The following C2orf42 variants were observed in gnomAD, a reference collection of about 807,000 sequenced individuals.
C2orf42 encodes the protein chromosome 2 open reading frame 42.
A neutral mutation model predicts 58.9 loss-of-function variants in C2orf42; 44 were observed. The ratio of observed to expected loss-of-function variants is 0.75; its 90% CI spans 0.59 to 0.96. C2orf42 has a LOEUF of 0.96. Among genes scored for constraint, C2orf42 ranks in the 40% least tolerant of loss-of-function variants. The pLI is 0.00. For synonymous variants in C2orf42, 239 were observed against 265.4 expected (o/e 0.90, Z 0.97); for missense variants, 630 against 699.2 (o/e 0.90, Z 1.12).
At chr2:70,164,490 G>C (rs1045485146) in intron 8 of C2orf42, among the ~76,000 whole-genome samples, 1 of 151,936 alleles carries the variant, frequency 6.6e-6, no homozygotes, top group Non-Finnish European at 1.5e-5. Context: ...AAATTAGCCG[G>C]GTATGGTGGC....
chr2:70,185,594 C>G (rs553578173), intron 1 of C2orf42, among the ~76,000 whole-genome samples: 2 of 151,704 alleles, frequency 1.3e-5, no homozygotes, highest in East Asian at 1.9e-4. Context: ...GTCTATAACC[C>G]CAGCTACTCA....
In C2orf42 at chr2:70,170,615, C is replaced by T. The variant is rs554028163; in HGVS notation, c.1040-954G>A. On this transcript the variant is annotated intron_variant, in intron 5 of 9. Coordinates refer to ENST00000264434, the MANE Select transcript of C2orf42 (RefSeq NM_017880.3). The stretch of plus-strand genomic sequence containing the variant: ...ACTAAAAATACAAAAATTAGCTGGG[C>T]GTGGTGGCATGCACCTTAATCACAG... 4.6e-5 allele frequency among the ~76,000 whole-genome samples: 7 copies of T among 151,314 alleles called. No individual in the cohort carries two copies. The East Asian group carries it at 7.9e-4, about 17-fold the overall frequency.
In C2orf42 at chr2:70,167,703, T is replaced by G. The variant is rs972200861; in HGVS notation, c.1144+1854A>C. Among the ~76,000 whole-genome samples the G allele has an allele frequency of 5.3e-5, 8 of 152,156 alleles. No individual in the cohort carries two copies. In the South Asian group the frequency reaches 8.3e-4, roughly 16 times the overall value. On this transcript the variant is annotated intron_variant, in intron 6 of 9. Transcript: ENST00000264434. ...TTGCAGTGAACTGAGATTGTACCAC[T>G]GCACTCCAGCCTGTGTGACAGAGCA...
At chr2:70,154,255 A>G (rs902029507) in intron 9 of C2orf42, among the ~76,000 whole-genome samples, 2 of 151,586 alleles carry the variant, frequency 1.3e-5, no homozygotes, top group Non-Finnish European at 2.9e-5. Flanking sequence ...AGAATCACAA[A>G]GAATAGAATT....
rs1672217740 is a variant in C2orf42, at chr2:70,150,182, A to G, written c.*174T>C. ...TGTACACAGCAGCATCAAAAAGGCT[A>G]TTTACAAGAGATTTTCTTCAACAGA... is the stretch of plus-strand genomic sequence containing the variant. On this transcript the variant is annotated 3_prime_UTR_variant, in exon 10 of 10. Coordinates refer to ENST00000264434, the MANE Select transcript of C2orf42 (RefSeq NM_017880.3). 1.6e-6 allele frequency: 1 copy of G among 619,264 alleles called. No homozygotes were observed. The highest frequency in any genetic ancestry group is 1.8e-5 in the African/African-American group (1 of 54,424). The allele number at this position is 619,264 out of a possible 1,614,324, so 38.4% of individuals were successfully genotyped here.
At chr2:70,186,932 A>G (rs1290224358) in intron 1 of C2orf42, among the ~76,000 whole-genome samples, 3 of 150,142 alleles carry the variant, frequency 2.0e-5, no homozygotes, top group African/African-American at 7.4e-5. Context: ...GAAGGGGAAC[A>G]TCACACTCTG....
At chr2:70,156,065 C>T (rs889062371) in intron 9 of C2orf42, among the ~76,000 whole-genome samples, 7 of 149,696 alleles carry the variant, frequency 4.7e-5, no homozygotes, top group African/African-American at 1.7e-4. Flanking sequence ...TGAGGCAGAA[C>T]AATCTCTTGA....
intron 6 of C2orf42, 61 bp downstream of exon 6, chr2:70,169,495 AG>A: frequency 1.2e-6 from 1 of 836,738 alleles, no homozygotes; most frequent in Non-Finnish European, 2.0e-6. Context: ...GGAGAATTAC[AG>A]CACAATTACC....
At chr2:70,161,013 C>A (rs574046354) in intron 8 of C2orf42, among the ~76,000 whole-genome samples, 8 of 152,240 alleles carry the variant, frequency 5.3e-5, no homozygotes, top group Admixed American at 1.3e-4. Flanking sequence ...ATTTCCACCC[C>A]AGCCAAACTA....
chr2:70,189,406 C>CAAAAAAAAAAAAAAAAAAAAAAA (rs1182514916), intron 1 of C2orf42, among the ~76,000 whole-genome samples: 1 of 27,126 alleles, frequency 3.7e-5, no homozygotes, highest in Non-Finnish European at 7.8e-5. Flanking sequence ...AACTCCATCT[C>CAAAAAAAAAAAAAAAAAAAAAAA]AAAAAAAAAA....
chr2:70,158,882 G>A (rs1169810579), intron 9 of C2orf42, among the ~76,000 whole-genome samples: 1 of 149,644 alleles, frequency 6.7e-6, no homozygotes, highest in African/African-American at 2.5e-5. Context: ...ATGAGCCACC[G>A]CGCTCGGCCG....
At chr2:70,168,042 G>C (rs1673523420) in intron 6 of C2orf42, among the ~76,000 whole-genome samples, 1 of 151,930 alleles carries the variant, frequency 6.6e-6, no homozygotes, top group Non-Finnish European at 1.5e-5. Flanking sequence ...AGACCAGCCT[G>C]GTTAACATGG....
intron 1 of C2orf42, chr2:70,190,492 G>A (rs1369609705): frequency 2.0e-5 from 3 of 152,334 alleles, no homozygotes; most frequent in Middle Eastern, 3.4e-3. Flanking sequence ...TAGAGATGAG[G>A]AAACTGTTAC....
chr2:70,169,423 A>T, intron 6 of C2orf42, 134 bp downstream of exon 6: 1 of 459,224 alleles, frequency 2.2e-6, no homozygotes, highest in Non-Finnish European at 3.9e-6. Flanking sequence ...TTTCAATTAG[A>T]TTTCTACTTT....
At chr2:70,155,934 T>C (rs1214607595) in intron 9 of C2orf42, among the ~76,000 whole-genome samples, 1 of 152,092 alleles carries the variant, frequency 6.6e-6, no homozygotes, top group Non-Finnish European at 1.5e-5. Flanking sequence ...GGCGGGCAGA[T>C]CACCTGAGGT....
intron 6 of C2orf42, among the ~76,000 whole-genome samples, chr2:70,167,793 A>G (rs1397096219): frequency 6.6e-6 from 1 of 152,112 alleles, no homozygotes; most frequent in African/African-American, 2.4e-5. Flanking sequence ...CTCATAGTCA[A>G]GGAGCGAGCT....
intron 1 of C2orf42, among the ~76,000 whole-genome samples, chr2:70,189,272 G>A (rs1675160811): frequency 1.3e-5 from 2 of 151,638 alleles, no homozygotes; most frequent in South Asian, 4.2e-4. Context: ...CGGGCGTGGT[G>A]ACGTATGCCT....
rs1254118663 is a variant in C2orf42, at chr2:70,150,395, G to A, written c.1686C>T (p.Pro562=). 3 of 1,614,094 alleles carry A rather than the reference G, an allele frequency of 1.9e-6. No homozygotes were observed. The highest frequency in any genetic ancestry group is 2.7e-5 in the African/African-American group (2 of 75,050). ...TAGTGGTCAGAGGGGCCAGTTCCAA[G>A]GGCTGGTCCAAGGGGGGCCGCTGGT... ...YQDQRPPLDQ[P]LELAPLTTIT... The change falls in exon 10 of 10, where the codon CCC becomes CCT. Residue 562 remains proline, a synonymous_variant. Transcript: ENST00000264434.
rs369670382 is a variant in C2orf42 at position 70,150,453 on chromosome 2, T to C, written c.1628A>G (p.His543Arg). The change falls in exon 10 of 10, where the codon CAC (histidine) becomes CGC (arginine). Residue 543 changes from histidine to arginine, a missense_variant. Transcript: ENST00000264434. ...GELRIKFEYG[H>R]HRNGHVAEYQ... Reference sequence around the variant, plus strand: ...CTCCGCCACATGCCCATTCCGGTGGTGGCCATACTCAAACTTGATCCGCAG... The same window carrying C: ...CTCCGCCACATGCCCATTCCGGTGGCGGCCATACTCAAACTTGATCCGCAG... 12 of 1,614,028 alleles carry C rather than the reference T, an allele frequency of 7.4e-6. No homozygotes were observed. The highest frequency in any genetic ancestry group is 1.0e-5 in the Non-Finnish European group (12 of 1,180,018).
Sources: gnomAD v4.1 joint callset for allele counts (sites outside exome capture counted in the v4.1 genomes callset) on GRCh38, gnomAD v4.1.1 for gene constraint, MANE v1.5 for transcripts, NCBI Gene and HGNC (gene_info 2026-07-23, HGNC 2026-07-21) for gene names.